The following PPP1R14C variants were observed in gnomAD, a reference collection of about 807,000 sequenced individuals.
The protein encoded by PPP1R14C is protein phosphatase 1 regulatory subunit 14C.
A neutral mutation model predicts 20.4 loss-of-function variants in PPP1R14C; 16 were observed. That is an observed-to-expected ratio of 0.78 (90% confidence interval 0.53 to 1.19). The LOEUF (loss-of-function observed/expected upper bound fraction) is 1.19. Among genes scored for constraint, PPP1R14C ranks in the 50% most tolerant of loss-of-function variants. PPP1R14C has a pLI of 0.00. For synonymous variants in PPP1R14C, 91 were observed against 91.0 expected (o/e 1.00, Z 0.00); for missense variants, 211 against 220.1 (o/e 0.96, Z 0.26).
At chr6:150,169,694 C>G (rs774054203) in intron 1 of PPP1R14C, among the ~76,000 whole-genome samples, 2 of 152,160 alleles carry the variant, frequency 1.3e-5, no homozygotes, top group Non-Finnish European at 2.9e-5. Flanking sequence ...CGGGAAGAAG[C>G]TGAAAGTAGA....
chr6:150,233,441 A>G (rs1283564341), intron 3 of PPP1R14C, among the ~76,000 whole-genome samples: 2 of 152,224 alleles, frequency 1.3e-5, no homozygotes, highest in Non-Finnish European at 2.9e-5. Context: ...CTTCTAAATA[A>G]AGACCCCCAA....
At chr6:150,193,559 T>A (rs1373214164) in intron 1 of PPP1R14C, among the ~76,000 whole-genome samples, 2 of 150,082 alleles carry the variant, frequency 1.3e-5, no homozygotes, top group Non-Finnish European at 3.0e-5. Flanking sequence ...TTGGCTTGCA[T>A]CCTGCAGATA....
At chr6:150,157,773 C>T (rs191219322) in intron 1 of PPP1R14C, among the ~76,000 whole-genome samples, 2 of 152,306 alleles carry the variant, frequency 1.3e-5, no homozygotes, top group Admixed American at 6.5e-5. Flanking sequence ...TCCAGTCTCA[C>T]AAGAGCAAGA....
chr6:150,218,285 C>T (rs1295281821), intron 3 of PPP1R14C, among the ~76,000 whole-genome samples: 1 of 152,032 alleles, frequency 6.6e-6, no homozygotes, highest in South Asian at 2.1e-4. Context: ...TGCCTGTAGT[C>T]CTAGCTACTC....
intron 1 of PPP1R14C, among the ~76,000 whole-genome samples, chr6:150,170,511 A>C (rs1368424889): frequency 6.6e-6 from 1 of 151,918 alleles, no homozygotes; most frequent in Non-Finnish European, 1.5e-5. Context: ...TTTAGTAGAG[A>C]TGGGGTTTCA....
intron 3 of PPP1R14C, among the ~76,000 whole-genome samples, chr6:150,219,316 C>T (rs567815827): frequency 4.6e-5 from 7 of 152,140 alleles, no homozygotes; most frequent in African/African-American, 1.4e-4. Context: ...GCAACCTCTG[C>T]CCCCCAGGTT....
chr6:150,160,017 C>T (rs146138308), intron 1 of PPP1R14C, among the ~76,000 whole-genome samples: 1 of 152,046 alleles, frequency 6.6e-6, no homozygotes. Context: ...TGGCATTTGT[C>T]GGATGTTTTT....
In PPP1R14C at chr6:150,205,245, G is replaced by A. The variant is rs192288181; in HGVS notation, c.307-9499G>A. ...CCTTGTTGCTTTGCCGCCGCCCCCA[G>A]GCAGTTCAGCCTGGGCTTAGTCAGT... is the stretch of plus-strand genomic sequence containing the variant. On this transcript the variant is annotated intron_variant, in intron 1 of 3. Transcript: ENST00000361131. Among the ~76,000 whole-genome samples the A allele has an allele frequency of 6.2e-4, 94 of 152,094 alleles. 1 individual carries two copies. Among genetic ancestry groups the A allele is most frequent in the African/African-American group, 2.2e-3 (90 of 41,492 alleles).
chr6:150,196,657 A>G (rs1174846099), intron 1 of PPP1R14C, among the ~76,000 whole-genome samples: 1 of 152,222 alleles, frequency 6.6e-6, no homozygotes, highest in Admixed American at 6.5e-5. Flanking sequence ...TCCTTTGAAA[A>G]GTAAAGATGT....
chr6:150,168,537 A>AAAACAAAACAAAACAAAACG (rs1562260086), intron 1 of PPP1R14C, among the ~76,000 whole-genome samples: 1 of 149,078 alleles, frequency 6.7e-6, no homozygotes, highest in Non-Finnish European at 1.5e-5. Flanking sequence ...CCGTCTCAAC[A>AAAACAAAACAAAACAAAACG]AAACAAAACA....
Position 150,214,782 on chromosome 6 carries a change from T to C in PPP1R14C, c.345T>C (p.Asp115=), listed in dbSNP as rs1778069847. ...CAGAGGTAGAAATTGACATTGATGATCTTCTTGATGCAGACAGTGATGAAG... is the reference window on the plus strand; with the variant it reads ...CAGAGGTAGAAATTGACATTGATGACCTTCTTGATGCAGACAGTGATGAAG... ...EMPEVEIDID[D]LLDADSDEER... is the part of the protein sequence containing the mutation. The change falls in exon 2 of 4, where the codon GAT becomes GAC. Residue 115 remains aspartate, a synonymous_variant. Transcript: ENST00000361131. 6.2e-7 allele frequency: 1 copy of C among 1,613,258 alleles called. No homozygotes were observed. The highest frequency in any genetic ancestry group is 8.5e-7 in the Non-Finnish European group (1 of 1,179,676).
chr6:150,213,945 T>C (rs1222861255), intron 1 of PPP1R14C, among the ~76,000 whole-genome samples: 1 of 152,234 alleles, frequency 6.6e-6, no homozygotes, highest in Non-Finnish European at 1.5e-5. Flanking sequence ...TCTAGAACCC[T>C]GTTTTCTTAT....
At chr6:150,186,506 C>T (rs1777678273) in intron 1 of PPP1R14C, among the ~76,000 whole-genome samples, 1 of 152,168 alleles carries the variant, frequency 6.6e-6, no homozygotes, top group South Asian at 2.1e-4. Flanking sequence ...AGGTGAGCTC[C>T]ACATCCTGTC....
intron 1 of PPP1R14C, among the ~76,000 whole-genome samples, chr6:150,169,300 G>A (rs1777472210): frequency 6.6e-6 from 1 of 152,150 alleles, no homozygotes; most frequent in Admixed American, 6.6e-5. Flanking sequence ...TGGAGTTTTT[G>A]AATAATAATT....
intron 1 of PPP1R14C, among the ~76,000 whole-genome samples, chr6:150,196,598 A>T (rs1777807614): frequency 6.6e-6 from 1 of 152,210 alleles, no homozygotes; most frequent in Non-Finnish European, 1.5e-5. Flanking sequence ...GGGAATGGAA[A>T]CATAGATCAG....
At chr6:150,170,773 C>T (rs866237637) in intron 1 of PPP1R14C, among the ~76,000 whole-genome samples, 5 of 122,704 alleles carry the variant, frequency 4.1e-5, no homozygotes, top group South Asian at 2.8e-4. Context: ...GGTTACAGTA[C>T]GACTCTTTTT....
In PPP1R14C at chr6:150,143,353, C is replaced by T; in HGVS notation, c.161C>T (p.Ala54Val). The T allele has an allele frequency of 1.2e-6, 2 of 1,604,436 alleles. No individual in the cohort carries two copies. Among genetic ancestry groups the T allele is most frequent in the Non-Finnish European group, 1.7e-6 (2 of 1,176,836 alleles). The change falls in exon 1 of 4, where the codon GCC becomes GTC. Residue 54 changes from alanine to valine, a missense_variant. Ala to Val is a moderately conservative substitution (Grantham distance 64). Coordinates refer to ENST00000361131, the MANE Select transcript of PPP1R14C (RefSeq NM_030949.3). This position sits in a 1 kb window ranked among gnomAD's most constrained non-coding sequence, Gnocchi z 5.6. The part of the protein sequence containing the change: ...REDSAPVATA[A>V]AAGQVQQQQQ... ...GACTCGGCGCCCGTGGCCACGGCGG[C>T]CGCTGCAGGGCAGGTTCAGCAGCAA...
chr6:150,143,510 C>A lies in PPP1R14C; in HGVS notation c.306+12C>A. On this transcript the variant is annotated intron_variant, in intron 1 of 3. Transcript: ENST00000361131. The surrounding 1 kb of genome is among the most constrained non-coding windows in gnomAD (Gnocchi z 5.6). ...TCTACGGCTGCGAGGTACCTGGGCG[C>A]GGGGCTGGGAGGGTCGGGGACCTCT... 1 of 666,934 alleles carries A rather than the reference C, an allele frequency of 1.5e-6. No individual in the cohort carries two copies. The highest frequency in any genetic ancestry group is 2.6e-6 in the Non-Finnish European group (1 of 389,250). 41.3% of individuals were successfully genotyped at this position (666,934 alleles called of 1,614,324 possible).
At chr6:150,229,376 G>A (rs757086999) in intron 3 of PPP1R14C, among the ~76,000 whole-genome samples, 1 of 152,102 alleles carries the variant, frequency 6.6e-6, no homozygotes, top group African/African-American at 2.4e-5. Context: ...ACTGTGACTG[G>A]ATGATATATG....
Sources: gnomAD v4.1 joint callset for allele counts (sites outside exome capture counted in the v4.1 genomes callset) on GRCh38, gnomAD v4.1.1 for gene constraint, Gnocchi (gnomAD v3.1) non-coding constraint, MANE v1.5 for transcripts, NCBI Gene and HGNC (gene_info 2026-07-23, HGNC 2026-07-21) for gene names.